Variants in SRGAP3 observed in about 807,000 individuals in gnomAD.
The protein encoded by SRGAP3 is SLIT-ROBO Rho GTPase-activating protein 3.
Under a neutral mutation model 121.1 loss-of-function variants are expected in SRGAP3, and 39 were observed. The observed-to-expected ratio is 0.32, with a 90% CI of 0.25 to 0.42. The LOEUF (loss-of-function observed/expected upper bound fraction) is 0.42. Among genes scored for constraint, SRGAP3 ranks in the 10% least tolerant of loss-of-function variants. The pLI is 1.00. For missense variants in SRGAP3, 1,213 were observed against 1,470.6 expected (o/e 0.82, Z 2.86); for synonymous variants, 601 against 570.0 (o/e 1.05, Z -0.77).
chr3:9,264,173 C>T (rs1954310300), intron 3 of SRGAP3, among the ~76,000 whole-genome samples: 3 of 152,160 alleles, frequency 2.0e-5, no homozygotes, highest in Admixed American at 2.0e-4. Context: ...TTCAACACCC[C>T]TTCATGCTAA....
intron 1 of SRGAP3, among the ~76,000 whole-genome samples, chr3:9,166,517 G>A (rs549926151): frequency 1.3e-5 from 2 of 152,252 alleles, no homozygotes; most frequent in African/African-American, 4.8e-5. Context: ...GGATGTGACG[G>A]TGACCCAGCC....
At chr3:9,174,252 G>A (rs1473958022) in intron 1 of SRGAP3, among the ~76,000 whole-genome samples, 1 of 152,218 alleles carries the variant, frequency 6.6e-6, no homozygotes, top group Non-Finnish European at 1.5e-5. Context: ...AAAGAGTTCT[G>A]GAGACAGATG....
chr3:9,027,109 A>C, intron 12 of SRGAP3, 114 bp from the exon 13 acceptor site: 1 of 968,044 alleles, frequency 1.0e-6, no homozygotes, highest in Non-Finnish European at 1.7e-6. Flanking sequence ...TCAGATTAGT[A>C]GGAAAACAAG....
chr3:9,274,563 G>A (rs114245661), intron 3 of SRGAP3, among the ~76,000 whole-genome samples: 3,347 of 152,272 alleles, frequency 0.022, 127 homozygotes, highest in African/African-American at 0.073. Flanking sequence ...TAGCTTTGTC[G>A]TCTGAGGACA....
intron 3 of SRGAP3, among the ~76,000 whole-genome samples, chr3:9,319,164 C>T (rs1955400023): frequency 6.6e-6 from 1 of 151,944 alleles, no homozygotes; most frequent in Non-Finnish European, 1.5e-5. Context: ...ATGTCATTCA[C>T]TCCATTTTAC....
chr3:9,209,428 TGA>T (rs1256888361), intron 1 of SRGAP3, among the ~76,000 whole-genome samples: 1 of 152,216 alleles, frequency 6.6e-6, no homozygotes, highest in African/African-American at 2.4e-5. Flanking sequence ...TTTCTAATAA[TGA>T]GAGACATTCC....
At position 9,060,744 on chromosome 3, in the gene SRGAP3, G is replaced by T. The variant is rs1035364415; in HGVS notation, c.673-385C>A. ...GTGAGCCACCATGCCCGGCCCAGTG[G>T]TTTTTTTTTTCTTTATAGTAGCTGC... On this transcript the variant is annotated intron_variant, in intron 5 of 21. Coordinates refer to ENST00000383836, the MANE Select transcript of SRGAP3 (RefSeq NM_014850.4). Among the ~76,000 whole-genome samples the T allele has an allele frequency of 4.6e-5, 7 of 151,010 alleles. No homozygotes were observed. The East Asian group carries it at 9.7e-4, about 21-fold the overall frequency.
At chr3:9,188,333 G>C (rs1004801017) in intron 1 of SRGAP3, among the ~76,000 whole-genome samples, 1 of 152,200 alleles carries the variant, frequency 6.6e-6, no homozygotes, top group Non-Finnish European at 1.5e-5. Context: ...CAGGTAATTA[G>C]TGTGTCCATT....
rs1210468815 is a variant in SRGAP3, at chr3:9,248,965, C to A, written c.-14G>T. The A allele has an allele frequency of 6.2e-7, 1 of 1,613,470 alleles. No individual in the cohort carries two copies. Among genetic ancestry groups the A allele is most frequent in the African/African-American group, 1.3e-5 (1 of 74,884 alleles). On this transcript the variant is annotated 5_prime_UTR_variant, in exon 1 of 22. Coordinates refer to ENST00000383836, the MANE Select transcript of SRGAP3 (RefSeq NM_014850.4). ...TTGAGATGACATCTTCTGACGTGGC[C>A]AAAGGAACTGACAGGCTGTTTGATT... is the stretch of plus-strand genomic sequence containing the variant.
chr3:9,077,479 T>G lies in SRGAP3; in HGVS notation c.486+2546A>C, dbSNP rs370778348. 4.6e-5 allele frequency among the ~76,000 whole-genome samples: 7 copies of G among 152,220 alleles called. No homozygotes were observed. In the East Asian group the frequency reaches 5.8e-4, roughly 13 times the overall value. ...TAACTACTGAAGACTCAGTGTGCAG[T>G]CAACAAATGATCTTCACAAGGGGTG... is the stretch of plus-strand genomic sequence containing the variant. On this transcript the variant is annotated intron_variant, in intron 4 of 21. Transcript: ENST00000383836.
At chr3:9,258,953 C>T (rs747274393) in intron 3 of SRGAP3, among the ~76,000 whole-genome samples, 13 of 152,216 alleles carry the variant, frequency 8.5e-5, no homozygotes, top group East Asian at 1.9e-4. Flanking sequence ...ATGTCCTCCT[C>T]GCACTTAAGA....
chr3:9,180,880 C>T (rs898603286), intron 1 of SRGAP3, among the ~76,000 whole-genome samples: 5 of 152,102 alleles, frequency 3.3e-5, no homozygotes, highest in Non-Finnish European at 7.3e-5. Context: ...CACCATCCGC[C>T]GGCTTCACTC....
At chr3:9,089,257 A>G (rs1265261459) in intron 3 of SRGAP3, among the ~76,000 whole-genome samples, 1 of 117,474 alleles carries the variant, frequency 8.5e-6, no homozygotes, top group Non-Finnish European at 1.6e-5. Flanking sequence ...AGGAACTGCT[A>G]TAAGTATTCC....
chr3:9,020,339 C>T (rs1943855099), intron 14 of SRGAP3, among the ~76,000 whole-genome samples: 1 of 151,506 alleles, frequency 6.6e-6, no homozygotes, highest in African/African-American at 2.4e-5. Flanking sequence ...GTAAAAAATT[C>T]CTGTGAAATC....
rs1424680316 is a variant in SRGAP3 at position 9,244,303 on chromosome 3, T to C, written c.67+4582A>G. Among the ~76,000 whole-genome samples, 3 of 152,272 alleles carry C rather than the reference T, an allele frequency of 2.0e-5. No individual in the cohort carries two copies. The East Asian group carries it at 5.8e-4, about 29-fold the overall frequency. Reference sequence around the variant, plus strand: ...ACACTCAGCACAAGACTAGGTACAATGTAGATAATCAACTTTTGTTGAATT... The same window carrying C: ...ACACTCAGCACAAGACTAGGTACAACGTAGATAATCAACTTTTGTTGAATT... On this transcript the variant is annotated intron_variant, in intron 1 of 21. Transcript: ENST00000383836.
intron 1 of SRGAP3, among the ~76,000 whole-genome samples, chr3:9,204,513 C>T (rs1952193104): frequency 1.3e-5 from 2 of 152,332 alleles, no homozygotes; most frequent in South Asian, 4.1e-4. Flanking sequence ...AGATCTTATC[C>T]GTTGGGAGAT....
intron 1 of SRGAP3, among the ~76,000 whole-genome samples, chr3:9,158,671 T>A (rs1023541198): frequency 6.6e-6 from 1 of 152,182 alleles, no homozygotes; most frequent in Non-Finnish European, 1.5e-5. Flanking sequence ...TAAGAAGCTA[T>A]TCTCTCTCTT....
chr3:9,277,967 C>G (rs893609411), intron 3 of SRGAP3, among the ~76,000 whole-genome samples: 1 of 152,042 alleles, frequency 6.6e-6, no homozygotes, highest in African/African-American at 2.4e-5. Context: ...CTGTCTTGTC[C>G]CTTCCACCAT....
At chr3:9,324,137 G>C (rs1179613149) in intron 3 of SRGAP3, among the ~76,000 whole-genome samples, 2 of 151,926 alleles carry the variant, frequency 1.3e-5, no homozygotes. Context: ...TTGAAGTATG[G>C]TCACTGGGAT....
Sources: allele counts gnomAD v4.1 joint callset (sites outside exome capture counted in the v4.1 genomes callset), GRCh38; gene constraint gnomAD v4.1.1; transcripts MANE v1.5; gene names NCBI Gene and HGNC (gene_info 2026-07-23, HGNC 2026-07-21).